PPFIA2: variants seen among roughly 807,000 people sequenced by gnomAD.
PPFIA2 encodes PPFI scaffold protein A2.
PPFIA2 carries 46 observed loss-of-function variants against 175.5 expected under a neutral mutation model. That is an observed-to-expected ratio of 0.26 (90% CI 0.21 to 0.34). The LOEUF (loss-of-function observed/expected upper bound fraction) is 0.34, where lower values mean the gene tolerates loss of function less well. Among genes scored for constraint, PPFIA2 ranks in the 10% least tolerant of loss-of-function variants. The pLI, the probability that PPFIA2 is intolerant of heterozygous loss-of-function variation, is 1.00. For missense variants in PPFIA2, 1,179 were observed against 1,506.1 expected, an observed-to-expected ratio of 0.78 and a Z score of 3.60; for synonymous variants, 568 against 511.4, an observed-to-expected ratio of 1.11 and a Z score of -1.49.
intron 4 of PPFIA2, among the ~76,000 whole-genome samples, chr12:81,605,439 G>A (rs2060193251): frequency 6.6e-6 from 1 of 151,682 alleles, no homozygotes; most frequent in African/African-American, 2.4e-5. Flanking sequence ...GAGGAGGCGA[G>A]GGGAGGAAAC....
chr12:81,435,341 T>C (rs2144715394), intron 7 of PPFIA2, among the ~76,000 whole-genome samples: 1 of 152,304 alleles, frequency 6.6e-6, no homozygotes, highest in Middle Eastern at 3.4e-3. Flanking sequence ...AACAAAGCCC[T>C]GTGGCAATGC....
intron 4 of PPFIA2, among the ~76,000 whole-genome samples, chr12:81,523,091 C>A (rs1365106554): frequency 6.6e-6 from 1 of 152,080 alleles, no homozygotes; most frequent in Non-Finnish European, 1.5e-5. Context: ...CTAATCTTGC[C>A]ACTATTTCAT....
At chr12:81,380,962 CT>C (rs2037516703) in intron 9 of PPFIA2, among the ~76,000 whole-genome samples, 1 of 137,502 alleles carries the variant, frequency 7.3e-6, no homozygotes, top group African/African-American at 2.7e-5. Flanking sequence ...TTTCACAGTG[CT>C]GTGTGTGTGT....
At chr12:81,647,257 A>G (rs941015893) in intron 4 of PPFIA2, among the ~76,000 whole-genome samples, 1 of 152,168 alleles carries the variant, frequency 6.6e-6, no homozygotes, top group Non-Finnish European at 1.5e-5. Context: ...GGTTAATAGG[A>G]GTTATCCACA....
chr12:81,277,622 G>T (rs960860658), intron 27 of PPFIA2, among the ~76,000 whole-genome samples: 1 of 151,980 alleles, frequency 6.6e-6, no homozygotes, highest in Non-Finnish European at 1.5e-5. Flanking sequence ...TAGAAAAAAA[G>T]TTTTCAAAAT....
At chr12:81,707,671 G>A (rs1198951624) in intron 3 of PPFIA2, among the ~76,000 whole-genome samples, 2 of 150,348 alleles carry the variant, frequency 1.3e-5, no homozygotes, top group Admixed American at 6.7e-5. Context: ...CCCATTACTG[G>A]GTATATACCC....
intron 27 of PPFIA2, among the ~76,000 whole-genome samples, chr12:81,278,281 G>A (rs548527714): frequency 6.6e-6 from 1 of 152,114 alleles, no homozygotes; most frequent in Non-Finnish European, 1.5e-5. Flanking sequence ...GGTGGCTCAC[G>A]CCTGTAATCA....
chr12:81,321,356 T>C (rs993908455), intron 22 of PPFIA2, among the ~76,000 whole-genome samples: 9 of 152,076 alleles, frequency 5.9e-5, no homozygotes, highest in Non-Finnish European at 1.0e-4. Context: ...AAGTAAGAAA[T>C]TTAATGAGAT....
intron 14 of PPFIA2, among the ~76,000 whole-genome samples, chr12:81,364,357 T>C (rs1742219337): frequency 1.3e-5 from 2 of 151,822 alleles, no homozygotes; most frequent in African/African-American, 4.8e-5. Flanking sequence ...AGGCAACAAT[T>C]GAAGGATTTT....
chr12:81,405,661 C>T (rs1426712199), intron 8 of PPFIA2, 126 bp downstream of exon 8: 1 of 584,238 alleles, frequency 1.7e-6, no homozygotes, highest in Non-Finnish European at 3.0e-6. Context: ...TAACCATAAA[C>T]CTTGAACCTT....
chr12:81,653,133 G>T (rs950087567), intron 4 of PPFIA2, among the ~76,000 whole-genome samples: 4 of 151,992 alleles, frequency 2.6e-5, no homozygotes, highest in Non-Finnish European at 5.9e-5. Flanking sequence ...TTCAGTCCTT[G>T]TTCTATTTCA....
At chr12:81,390,826 C>T (rs2039982340) in intron 8 of PPFIA2, among the ~76,000 whole-genome samples, 1 of 151,104 alleles carries the variant, frequency 6.6e-6, no homozygotes, top group Admixed American at 6.6e-5. Context: ...GTGGCTTGGG[C>T]TCACGGTGTC....
At chr12:81,544,191 T>G (rs2066641888) in intron 4 of PPFIA2, among the ~76,000 whole-genome samples, 1 of 152,174 alleles carries the variant, frequency 6.6e-6, no homozygotes. Flanking sequence ...ATCTTCACAA[T>G]TTTTCTGTAA....
At chr12:81,664,653 GA>G (rs1275553269) in intron 4 of PPFIA2, among the ~76,000 whole-genome samples, 2 of 152,094 alleles carry the variant, frequency 1.3e-5, no homozygotes, top group Non-Finnish European at 2.9e-5. Flanking sequence ...TCTAGAACTA[GA>G]AATACTGTTT....
intron 4 of PPFIA2, among the ~76,000 whole-genome samples, chr12:81,675,249 G>C (rs1050109432): frequency 5.3e-5 from 8 of 151,320 alleles, no homozygotes; most frequent in African/African-American, 1.9e-4. Flanking sequence ...GAGAGATAAA[G>C]TTGTATAACT....
At chr12:81,631,548 G>GA (rs1288185699) in intron 4 of PPFIA2, among the ~76,000 whole-genome samples, 2 of 152,222 alleles carry the variant, frequency 1.3e-5, no homozygotes, top group East Asian at 1.9e-4. Context: ...GAAATACAGA[G>GA]AAAAAAGGAA....
rs2079700299 is a variant in PPFIA2, at chr12:81,724,031, G to A, written c.249+29942C>T. On this transcript the variant is annotated intron_variant, in intron 3 of 32. Coordinates refer to ENST00000549396, the MANE Select transcript of PPFIA2 (RefSeq NM_003625.5). ...AGCTATCTACAAATATAAGAAAAGT[G>A]AAACAGGGAAAGGTGACTGTTTCAT... Among the ~76,000 whole-genome samples, 3 of 150,848 alleles carry A rather than the reference G, an allele frequency of 2.0e-5. No homozygotes were observed. In the South Asian group the frequency reaches 6.2e-4, roughly 31 times the overall value.
chr12:81,363,748 G>T (rs2031971466), intron 14 of PPFIA2, among the ~76,000 whole-genome samples: 1 of 151,520 alleles, frequency 6.6e-6, no homozygotes, highest in African/African-American at 2.4e-5. Flanking sequence ...TTTCCTGAAT[G>T]ATTTTTACCA....
chr12:81,477,859 ATT>A (rs201397878), intron 4 of PPFIA2, among the ~76,000 whole-genome samples: 14 of 146,476 alleles, frequency 9.6e-5, no homozygotes, highest in East Asian at 4.0e-4. Context: ...TTGGCCTGAA[ATT>A]TTTTTTTTTT....
Sources: gnomAD v4.1 joint callset for allele counts (sites outside exome capture counted in the v4.1 genomes callset) on GRCh38, gnomAD v4.1.1 for gene constraint, MANE v1.5 for transcripts, NCBI Gene and HGNC (gene_info 2026-07-23, HGNC 2026-07-21) for gene names.